The following CDKAL1 variants were observed in gnomAD, a reference collection of about 807,000 sequenced individuals.
CDKAL1 encodes the protein threonylcarbamoyladenosine tRNA methylthiotransferase.
CDKAL1 carries 32 observed loss-of-function variants against 68.2 expected under a neutral mutation model. That is an observed-to-expected ratio of 0.47 (90% CI 0.35 to 0.63). The LOEUF (loss-of-function observed/expected upper bound fraction) is 0.63, where lower values mean the gene tolerates loss of function less well. CDKAL1 is among the 30% of genes least tolerant of loss of function. The probability of loss-of-function intolerance (pLI) is 0.00; values close to 1 mark genes in which losing one functional copy is unlikely to be tolerated. For missense variants in CDKAL1, 606 were observed against 696.7 expected (o/e 0.87, Z 1.47); for synonymous variants, 234 against 244.3 (o/e 0.96, Z 0.39).
intron 4 of CDKAL1, 86 bp from the exon 5 acceptor site, chr6:20,649,207 C>G (rs1768629515): frequency 1.2e-6 from 1 of 848,324 alleles, no homozygotes; most frequent in Admixed American, 2.1e-5. Flanking sequence ...TTTCTCTCCC[C>G]TACCGCAGCA....
At chr6:21,216,731 C>G (rs1044013207) in intron 15 of CDKAL1, among the ~76,000 whole-genome samples, 1 of 152,180 alleles carries the variant, frequency 6.6e-6, no homozygotes, top group African/African-American at 2.4e-5. Context: ...TCTTGAACCC[C>G]CATCCTGGAC....
intron 15 of CDKAL1, among the ~76,000 whole-genome samples, chr6:21,206,374 G>A (rs963668132): frequency 1.3e-5 from 2 of 152,082 alleles, no homozygotes; most frequent in East Asian, 1.9e-4. Flanking sequence ...AGGAATATGC[G>A]ACAATGTGAA....
At chr6:20,821,913 ATAAAT>A (rs1321664431) in intron 8 of CDKAL1, among the ~76,000 whole-genome samples, 1 of 152,230 alleles carries the variant, frequency 6.6e-6, no homozygotes, top group Non-Finnish European at 1.5e-5. Context: ...TCATGGGAAA[ATAAAT>A]TAATAGAAGA....
At chr6:20,976,060 C>T (rs552223124) in intron 10 of CDKAL1, among the ~76,000 whole-genome samples, 1 of 152,266 alleles carries the variant, frequency 6.6e-6, no homozygotes, top group African/African-American at 2.4e-5. Flanking sequence ...CCCCAGACAA[C>T]CCCTGCTCTT....
intron 4 of CDKAL1, among the ~76,000 whole-genome samples, chr6:20,613,360 C>T (rs1184126962): frequency 2.9e-5 from 4 of 136,072 alleles, no homozygotes; most frequent in African/African-American, 5.5e-5. Flanking sequence ...CTGCAACCTC[C>T]GCCTTCCAGG....
chr6:20,537,929 T>G (rs16883900), intron 2 of CDKAL1, among the ~76,000 whole-genome samples: 2,679 of 152,314 alleles, frequency 0.018, 87 homozygotes, highest in African/African-American at 0.061. Flanking sequence ...ACCTTTAGCT[T>G]ATTAATAGTG....
chr6:20,989,014 C>T (rs970382988), intron 10 of CDKAL1, among the ~76,000 whole-genome samples: 2 of 151,918 alleles, frequency 1.3e-5, no homozygotes, highest in African/African-American at 4.8e-5. Flanking sequence ...TTTCTGCCCA[C>T]ATTTCATTGG....
At chr6:20,730,328 A>G (rs1772852710) in intron 5 of CDKAL1, among the ~76,000 whole-genome samples, 1 of 151,614 alleles carries the variant, frequency 6.6e-6, no homozygotes. Flanking sequence ...AAAGAAAAGA[A>G]AGAAAGAAGC....
intron 15 of CDKAL1, among the ~76,000 whole-genome samples, chr6:21,203,135 T>C (rs548497323): frequency 6.6e-6 from 1 of 151,210 alleles, no homozygotes; most frequent in South Asian, 2.1e-4. Flanking sequence ...TTGCAAACTC[T>C]GCCTCCTGGG....
chr6:20,545,592 A>G (rs755449444), intron 2 of CDKAL1, among the ~76,000 whole-genome samples: 3 of 152,106 alleles, frequency 2.0e-5, no homozygotes, highest in Non-Finnish European at 2.9e-5. Context: ...GTACACCACC[A>G]TGCCTGGCTA....
intron 10 of CDKAL1, among the ~76,000 whole-genome samples, chr6:20,961,946 G>A (rs889317271): frequency 6.6e-6 from 1 of 152,060 alleles, no homozygotes; most frequent in South Asian, 2.1e-4. Flanking sequence ...AAGTTATTCT[G>A]GTCCTCCCTC....
chr6:20,971,499 ATAT>A (rs763040299), intron 10 of CDKAL1, among the ~76,000 whole-genome samples: 34 of 152,364 alleles, frequency 2.2e-4, no homozygotes, highest in Non-Finnish European at 3.7e-4. Context: ...CACTAGAAAA[ATAT>A]TGATATTTCA....
chr6:21,069,770 CTTTCTT>C (rs1771655654), intron 12 of CDKAL1, among the ~76,000 whole-genome samples: 5 of 42,282 alleles, frequency 1.2e-4, no homozygotes, highest in African/African-American at 1.7e-4. Flanking sequence ...CCCAGATTTT[CTTTCTT>C]TTTTTTTTTT....
chr6:21,191,573 G>C (rs919704977), intron 13 of CDKAL1, among the ~76,000 whole-genome samples: 1 of 152,160 alleles, frequency 6.6e-6, no homozygotes, highest in Non-Finnish European at 1.5e-5. Context: ...GCATTGAGTA[G>C]TGGGAAGAGT....
At chr6:21,114,907 CTGT>C (rs1448852930) in intron 13 of CDKAL1, among the ~76,000 whole-genome samples, 2 of 152,120 alleles carry the variant, frequency 1.3e-5, no homozygotes, top group East Asian at 1.9e-4. Flanking sequence ...ACCTTAAGAA[CTGT>C]TGTTAATTCA....
At chr6:20,863,021 C>T (rs761894993) in intron 9 of CDKAL1, among the ~76,000 whole-genome samples, 2 of 152,010 alleles carry the variant, frequency 1.3e-5, no homozygotes, top group Middle Eastern at 3.2e-3. Context: ...AGCAAAACTC[C>T]GTTTCAATAA....
intron 9 of CDKAL1, among the ~76,000 whole-genome samples, chr6:20,931,038 C>T (rs1437108344): frequency 1.3e-5 from 2 of 152,230 alleles, no homozygotes; most frequent in Admixed American, 6.5e-5. Context: ...CCACCGCGCC[C>T]GGCTGCGTAT....
In CDKAL1 at chr6:21,053,629, GTTA is replaced by G. The variant is rs774418273; in HGVS notation, c.1056-11416_1056-11414del. On this transcript the variant is annotated intron_variant, in intron 11 of 15. Coordinates refer to ENST00000274695, the MANE Select transcript of CDKAL1 (RefSeq NM_017774.3). Reference sequence around the variant, plus strand: ...TTTCTCTATATGCTTACTAATATCTGTTATTTTTTTTTTCAGTCTTTTTGGTAC... The same window carrying G: ...TTTCTCTATATGCTTACTAATATCTGTTTTTTTTTTCAGTCTTTTTGGTAC... Among the ~76,000 whole-genome samples the G allele has an allele frequency of 1.7e-4, 26 of 151,812 alleles. No homozygotes were observed. In the East Asian group the frequency reaches 4.4e-3, roughly 26 times the overall value.
chr6:21,093,797 C>CTG (rs1342970972), intron 12 of CDKAL1, among the ~76,000 whole-genome samples: 4 of 144,062 alleles, frequency 2.8e-5, no homozygotes, highest in African/African-American at 1.0e-4. Flanking sequence ...TCATGGCTCA[C>CTG]TGCAACCTTG....
Sources: gnomAD v4.1 joint callset for allele counts (sites outside exome capture counted in the v4.1 genomes callset) on GRCh38, gnomAD v4.1.1 for gene constraint, MANE v1.5 for transcripts, NCBI Gene and HGNC (gene_info 2026-07-23, HGNC 2026-07-21) for gene names.